Variants in ASIP observed in about 807,000 individuals in gnomAD.
ASIP encodes agouti-signaling protein.
Under a neutral mutation model 10.3 loss-of-function variants are expected in ASIP, and 11 were observed. That is an observed-to-expected ratio of 1.07 (90% CI 0.68 to 1.78). The LOEUF is 1.78. ASIP is among the 40% of genes most tolerant of loss of function. The pLI is 0.00. For missense variants in ASIP, 180 were observed against 169.2 expected (o/e 1.06, Z -0.35); for synonymous variants, 70 against 70.8 (o/e 0.99, Z 0.06).
chr20:34,214,932 CTTAG>C (rs2034997705), intron 1 of ASIP: 1 of 1,485,240 alleles, frequency 6.7e-7, no homozygotes, highest in South Asian at 1.1e-5. Flanking sequence ...TATTCCCATT[CTTAG>C]TTAATTTACT....
chr20:34,262,871 C>G lies in ASIP; in HGVS notation c.200C>G (p.Ala67Gly), dbSNP rs766239012. 1 of 1,613,980 alleles carries G rather than the reference C, an allele frequency of 6.2e-7. No homozygotes were observed. Among genetic ancestry groups the G allele is most frequent in the Admixed American group, 1.7e-5 (1 of 60,006 alleles). Reference protein sequence around the residue: ...KKSKQIGRKAAEKKRSSKKEA... With the variant: ...KKSKQIGRKAGEKKRSSKKEA... ...TCCAAACAGATCGGCAGAAAAGCAGCAGAAAAGAAAAGATCTTCTAAGGTA... is the reference window on the plus strand; with the variant it reads ...TCCAAACAGATCGGCAGAAAAGCAGGAGAAAAGAAAAGATCTTCTAAGGTA... The change falls in exon 3 of 4, where the codon GCA (alanine) becomes GGA (glycine). Residue 67 changes from alanine to glycine, a missense_variant. Coordinates refer to ENST00000374954, the MANE Select transcript of ASIP (RefSeq NM_001672.3).
At chr20:34,201,049 TTTCTTTCTTTC>T (rs556102075) in intron 1 of ASIP, among the ~76,000 whole-genome samples, 9,979 of 123,340 alleles carry the variant, frequency 0.081, 633 homozygotes, top group Middle Eastern at 0.16. Flanking sequence ...TCTTTCTTTC[TTTCTTTCTTTC>T]TTTTTTTTCC....
chr20:34,193,775 G>T (rs189079285), upstream of ASIP, among the ~76,000 whole-genome samples: 4 of 152,290 alleles, frequency 2.6e-5, no homozygotes, highest in East Asian at 7.7e-4. Flanking sequence ...AACTATGGCC[G>T]TGCAAATCAG....
intron 1 of ASIP, chr20:34,215,687 G>A (rs1431428810): frequency 2.0e-5 from 29 of 1,446,870 alleles, no homozygotes; most frequent in East Asian, 1.8e-4. Context: ...GGTTAGTTCT[G>A]AATATTTGTA....
chr20:34,191,751 C>T (rs1358803254), upstream of ASIP, among the ~76,000 whole-genome samples: 6 of 100,344 alleles, frequency 6.0e-5, no homozygotes, highest in East Asian at 1.7e-3. Flanking sequence ...TTTTTTTTGA[C>T]AGAGTTTCAC....
intron 2 of ASIP, 31 bp from the exon 3 acceptor site, chr20:34,262,801 C>T: frequency 6.2e-7 from 1 of 1,613,178 alleles, no homozygotes; most frequent in Non-Finnish European, 8.5e-7. Flanking sequence ...CCAGAAACAT[C>T]TGACTTTGCT....
chr20:34,202,241 A>G (rs2034904532), intron 1 of ASIP, among the ~76,000 whole-genome samples: 2 of 152,338 alleles, frequency 1.3e-5, no homozygotes, highest in South Asian at 2.1e-4. Flanking sequence ...ATTGTCCAAC[A>G]TGTAGCCACT....
rs956332457 is a variant in ASIP at position 34,217,819 on chromosome 20, C to T, written c.-11+23059C>T. Among the ~76,000 whole-genome samples the T allele has an allele frequency of 3.9e-5, 6 of 152,316 alleles. No homozygotes were observed. In the East Asian group the frequency reaches 5.8e-4, roughly 15 times the overall value. ...CCTCGTGATCCGCCCGCCTCGGCCT[C>T]CCAAAGTACTGGGATTAACAGGCGT... On this transcript the variant is annotated intron_variant, in intron 1 of 3. Coordinates refer to the ASIP transcript ENST00000568305.
Position 34,235,900 on chromosome 20 carries a change from A to AGCGGG in ASIP, c.-10-24465_-10-24464insGCGGG, listed in dbSNP as rs1568756565. 6.8e-5 allele frequency among the ~76,000 whole-genome samples: 5 copies of AGCGGG among 73,340 alleles called. No individual in the cohort carries two copies. In the African/African-American group the frequency reaches 1.3e-3, roughly 19 times the overall value. The allele number at this position is 73,340 out of a possible 152,430, so 48.1% of individuals were successfully genotyped here. The stretch of plus-strand genomic sequence containing the variant: ...AAGGAAGGAAGGAAGGAAGGAAGGA[A>AGCGGG]AGGAAGGAAGGAAGGAAGGAAGGAA... On this transcript the variant is annotated intron_variant, in intron 1 of 3. Transcript: ENST00000568305.
At chr20:34,191,717 CCTCT>C (rs1338494958), upstream of ASIP, among the ~76,000 whole-genome samples, 34 of 148,678 alleles carry the variant, frequency 2.3e-4, no homozygotes, top group Non-Finnish European at 2.8e-4. Flanking sequence ...TTCCTTCCTT[CCTCT>C]CTCTCTCTCT....
chr20:34,235,580 A>G (rs2035169855), intron 1 of ASIP, among the ~76,000 whole-genome samples: 1 of 152,114 alleles, frequency 6.6e-6, no homozygotes, highest in Non-Finnish European at 1.5e-5. Flanking sequence ...CTTTCTTAGC[A>G]CGATAACAAT....
At position 34,269,028 on chromosome 20, in the gene ASIP, C is replaced by A. The variant is rs554065691; in HGVS notation, c.260C>A (p.Thr87Asn). The A allele has an allele frequency of 3.1e-6, 5 of 1,607,960 alleles. No homozygotes were observed. Among genetic ancestry groups the A allele is most frequent in the East Asian group, 2.2e-5 (1 of 44,686 alleles). Reference protein sequence around the residue: ...ASMKKVVRPRTPLSAPCVATR... With the variant: ...ASMKKVVRPRNPLSAPCVATR... ...ATGAAGAAAGTGGTGCGGCCCCGGA[C>A]CCCCCTATCTGCGCCCTGCGTGGCC... Residue 87 changes from threonine (T) to asparagine (N), a missense_variant, in exon 4 of 4, where the codon ACC (threonine) becomes AAC (asparagine). Coordinates refer to ENST00000374954, the MANE Select transcript of ASIP (RefSeq NM_001672.3).
In ASIP at chr20:34,204,222, A is replaced by AT. The variant is rs760440247; in HGVS notation, c.-11+9477dup. Among the ~76,000 whole-genome samples, 397 of 139,692 alleles carry AT rather than the reference A, an allele frequency of 2.8e-3. 1 individual carries two copies. Among genetic ancestry groups the AT allele is most frequent in the East Asian group, 5.8e-3 (28 of 4,830 alleles). The allele number at this position is 139,692 out of a possible 152,430, so 91.6% of individuals were successfully genotyped here. On this transcript the variant is annotated intron_variant, in intron 1 of 3. Coordinates refer to the ASIP transcript ENST00000568305. ...TTTCTTTCAGATAGTTATTTTTTTA[A>AT]TTTTTTTTTTTTTTTGAGACGGAGT...
intron 1 of ASIP, chr20:34,246,325 T>G: frequency 3.9e-6 from 6 of 1,549,188 alleles, no homozygotes; most frequent in Non-Finnish European, 5.2e-6. Context: ...CTTGTTTGGG[T>G]GAATTTTCTA....
chr20:34,251,552 G>A lies in ASIP; in HGVS notation c.-10-8813G>A, dbSNP rs561788645. 4.6e-5 allele frequency among the ~76,000 whole-genome samples: 7 copies of A among 152,284 alleles called. No homozygotes were observed. The East Asian group carries it at 1.4e-3, about 29-fold the overall frequency. On this transcript the variant is annotated intron_variant, in intron 1 of 3. Coordinates refer to ENST00000374954, the MANE Select transcript of ASIP (RefSeq NM_001672.3). The stretch of plus-strand genomic sequence containing the variant: ...GCCTCCCAAAGTGCTGGGATTACAG[G>A]CATGAGCCACCGCGCCTGACCTTCT...
the ASIP span, among the ~76,000 whole-genome samples, chr20:34,186,840 A>C: frequency 2.6e-5 from 4 of 152,000 alleles, no homozygotes; most frequent in Non-Finnish European, 5.9e-5. Flanking sequence ...TTTGAGATGG[A>C]GTCTCGCTCT....
intron 3 of ASIP, 101 bp from the exon 4 acceptor site, chr20:34,268,887 ACCT>A: frequency 7.0e-7 from 1 of 1,423,952 alleles, no homozygotes; most frequent in Non-Finnish European, 9.6e-7. Flanking sequence ...CAGCGGGGAA[ACCT>A]CTGGTCCGGG....
chr20:34,192,512 TTTC>T (rs1055263527), upstream of ASIP, among the ~76,000 whole-genome samples: 1 of 140,484 alleles, frequency 7.1e-6, no homozygotes, highest in Non-Finnish European at 1.5e-5. Context: ...TTTCCTTTTT[TTTC>T]TTCTTCTTTT....
At chr20:34,190,057 G>A (rs2034815748), upstream of ASIP, among the ~76,000 whole-genome samples, 1 of 152,154 alleles carries the variant, frequency 6.6e-6, no homozygotes, top group African/African-American at 2.4e-5. Flanking sequence ...CAGCGCCATG[G>A]ACCAGCTATG....
Sources: allele counts gnomAD v4.1 joint callset (sites outside exome capture counted in the v4.1 genomes callset), GRCh38; gene constraint gnomAD v4.1.1; transcripts MANE v1.5; gene names NCBI Gene and HGNC (gene_info 2026-07-23, HGNC 2026-07-21).